GRIP1: variants seen among roughly 807,000 people sequenced by gnomAD.
The protein encoded by GRIP1 is glutamate receptor-interacting protein 1.
GRIP1 carries 45 observed loss-of-function variants against 129.9 expected under a neutral mutation model. The observed-to-expected ratio is 0.35, with a 90% CI of 0.27 to 0.44. The LOEUF (loss-of-function observed/expected upper bound fraction) is 0.44, where lower values mean the gene tolerates loss of function less well. Among genes scored for constraint, GRIP1 ranks in the 20% least tolerant of loss-of-function variants. The probability of loss-of-function intolerance (pLI) is 1.00; values close to 1 mark genes in which losing one functional copy is unlikely to be tolerated. For missense variants in GRIP1, 1,196 were observed against 1,396.8 expected (o/e 0.86, Z 2.29); for synonymous variants, 530 against 520.8 (o/e 1.02, Z -0.24).
At chr12:66,611,566 G>A (rs1216157475) in intron 1 of GRIP1, among the ~76,000 whole-genome samples, 1 of 152,062 alleles carries the variant, frequency 6.6e-6, no homozygotes, top group African/African-American at 2.4e-5. Flanking sequence ...CTCTCATTCT[G>A]TAAGCCCTCA....
At chr12:66,825,880 C>T (rs931372477) in intron 1 of GRIP1, among the ~76,000 whole-genome samples, 3 of 152,148 alleles carry the variant, frequency 2.0e-5, no homozygotes, top group South Asian at 2.1e-4. Context: ...TTAGTTCAAC[C>T]GTTGTGGAAG....
chr12:66,873,767 A>G (rs1337061013), intron 1 of GRIP1, among the ~76,000 whole-genome samples: 1 of 152,096 alleles, frequency 6.6e-6, no homozygotes, highest in Non-Finnish European at 1.5e-5. Context: ...GCACTGTCAT[A>G]AATATAAAAT....
At chr12:66,663,559 C>T (rs1157517363) in intron 1 of GRIP1, among the ~76,000 whole-genome samples, 1 of 152,128 alleles carries the variant, frequency 6.6e-6, no homozygotes, top group African/African-American at 2.4e-5. Context: ...ATGCAGACAG[C>T]TCTGCACTTT....
At chr12:66,883,746 T>C (rs1228762663) in intron 1 of GRIP1, among the ~76,000 whole-genome samples, 4 of 152,176 alleles carry the variant, frequency 2.6e-5, no homozygotes, top group Non-Finnish European at 5.9e-5. Flanking sequence ...CACAAAGACA[T>C]CCCCGTTTGG....
chr12:66,442,240 C>T (rs544032573), intron 13 of GRIP1, among the ~76,000 whole-genome samples: 26 of 152,308 alleles, frequency 1.7e-4, no homozygotes, highest in African/African-American at 6.0e-4. Context: ...AAATCCAAAC[C>T]AAATCCAAAC....
At chr12:66,708,597 T>A (rs565905757) in intron 1 of GRIP1, among the ~76,000 whole-genome samples, 24 of 152,088 alleles carry the variant, frequency 1.6e-4, no homozygotes, top group African/African-American at 5.8e-4. Context: ...TTTGTGGTCA[T>A]CTATGATGAA....
chr12:66,883,257 C>T (rs976508461), intron 1 of GRIP1, among the ~76,000 whole-genome samples: 2 of 152,104 alleles, frequency 1.3e-5, no homozygotes, highest in East Asian at 1.9e-4. Flanking sequence ...ACTGTGCACC[C>T]CTTTCCCTTT....
At position 66,348,541 on chromosome 12, in the gene GRIP1, A is replaced by T. The variant is rs1265883502; in HGVS notation, c.*478T>A. On this transcript the variant is annotated 3_prime_UTR_variant, in exon 25 of 25. Coordinates refer to ENST00000359742, the MANE Select transcript of GRIP1 (RefSeq NM_001366722.1). ...CCCCTCCCATTGTGGTAGTCCCAGC[A>T]GTTTACCAAACACTAGTTCCCCTAG... 5.6e-6 allele frequency: 1 copy of T among 178,626 alleles called. No homozygotes were observed. The highest frequency in any genetic ancestry group is 1.2e-5 in the Non-Finnish European group (1 of 83,542). 11.1% of individuals were successfully genotyped at this position (178,626 alleles called of 1,614,324 possible). A position where few individuals can be genotyped will look rare whatever the true frequency, so the allele number is the denominator to read the frequency against.
chr12:66,669,475 A>G (rs1255622744), intron 1 of GRIP1, among the ~76,000 whole-genome samples: 2 of 152,234 alleles, frequency 1.3e-5, no homozygotes, highest in Non-Finnish European at 2.9e-5. Flanking sequence ...AATACTTTGT[A>G]CTTGCCAGTG....
intron 1 of GRIP1, among the ~76,000 whole-genome samples, chr12:67,032,119 G>C (rs568269904): frequency 6.6e-6 from 1 of 152,238 alleles, no homozygotes; most frequent in South Asian, 2.1e-4. Context: ...GAAATCTATA[G>C]GCTTTTCGTT....
chr12:66,613,631 G>C (rs1328305215), intron 1 of GRIP1, among the ~76,000 whole-genome samples: 4 of 152,084 alleles, frequency 2.6e-5, no homozygotes, highest in Non-Finnish European at 5.9e-5. Flanking sequence ...TCCGATTTCT[G>C]TCTTTAAAAT....
In GRIP1 at chr12:66,545,198, G is replaced by A. The variant is rs552227541; in HGVS notation, c.137-3248C>T. Among the ~76,000 whole-genome samples the A allele has an allele frequency of 7.4e-4, 113 of 152,230 alleles. 1 individual carries two copies. In the South Asian group the frequency reaches 0.023, roughly 31 times the overall value. ...AGAAAATAAATGGTATAGGTTTACA[G>A]CTATACCATTACTTACTCAACATAA... On this transcript the variant is annotated intron_variant, in intron 2 of 24. Coordinates refer to ENST00000359742, the MANE Select transcript of GRIP1 (RefSeq NM_001366722.1).
intron 2 of GRIP1, among the ~76,000 whole-genome samples, chr12:66,588,194 G>C (rs918086982): frequency 5.3e-5 from 8 of 151,922 alleles, no homozygotes; most frequent in African/African-American, 1.9e-4. Context: ...AGCCTTCTTG[G>C]CCAATTTTAA....
At chr12:66,865,202 A>G (rs1224835757) in intron 1 of GRIP1, among the ~76,000 whole-genome samples, 1 of 152,138 alleles carries the variant, frequency 6.6e-6, no homozygotes, top group Admixed American at 6.6e-5. Context: ...AAAATCCAAT[A>G]TGAAAAAAGT....
rs569851036 is a variant in GRIP1, at chr12:67,040,275, C to T, written c.58+28775G>A. 1.1e-4 allele frequency among the ~76,000 whole-genome samples: 17 copies of T among 149,992 alleles called. No individual in the cohort carries two copies. The East Asian group carries it at 2.7e-3, about 24-fold the overall frequency. ...TGGCATCGTGTGGGCAGGTCCTACT[C>T]CAGCAAGTTTCTGAAGTAATCTTCC... On this transcript the variant is annotated intron_variant, in intron 1 of 1. Transcript: ENST00000643019.
At chr12:66,890,870 G>C (rs942815496) in intron 1 of GRIP1, among the ~76,000 whole-genome samples, 4 of 152,156 alleles carry the variant, frequency 2.6e-5, no homozygotes, top group African/African-American at 9.7e-5. Context: ...TGAAACACAG[G>C]CTGTGGATCT....
intron 1 of GRIP1, among the ~76,000 whole-genome samples, chr12:66,860,020 G>C (rs1380046929): frequency 6.6e-6 from 1 of 152,074 alleles, no homozygotes; most frequent in Non-Finnish European, 1.5e-5. Flanking sequence ...AGATATAAGT[G>C]ATCATCACCT....
chr12:66,962,354 A>T (rs960702032), intron 1 of GRIP1, among the ~76,000 whole-genome samples: 1 of 152,210 alleles, frequency 6.6e-6, no homozygotes, highest in South Asian at 2.1e-4. Flanking sequence ...GAATCGAGAC[A>T]GGAAAAATGG....
intron 1 of GRIP1, among the ~76,000 whole-genome samples, chr12:66,901,044 T>C (rs2040836165): frequency 6.6e-6 from 1 of 152,158 alleles, no homozygotes; most frequent in African/African-American, 2.4e-5. Flanking sequence ...ACCAGAATAT[T>C]TAAATCAGCT....
Sources: gnomAD v4.1 joint callset for allele counts (sites outside exome capture counted in the v4.1 genomes callset) on GRCh38, gnomAD v4.1.1 for gene constraint, MANE v1.5 for transcripts, NCBI Gene and HGNC (gene_info 2026-07-23, HGNC 2026-07-21) for gene names.